Variants in ESRRG observed in about 807,000 individuals in gnomAD.
ESRRG encodes the protein estrogen related receptor gamma.
ESRRG carries 13 observed loss-of-function variants against 44.0 expected under a neutral mutation model. The observed-to-expected ratio is 0.30, with a 90% CI of 0.19 to 0.47. The LOEUF is 0.47. Ranked by LOEUF, ESRRG falls within the 20% of genes least tolerant of loss-of-function variation. ESRRG has a pLI of 1.00. For synonymous variants in ESRRG, 215 were observed against 214.6 expected, an observed-to-expected ratio of 1.00 and a Z score of -0.02; for missense variants, 395 against 580.6, an observed-to-expected ratio of 0.68 and a Z score of 3.29.
chr1:217,102,619 T>G (rs575806424), intron 1 of ESRRG, among the ~76,000 whole-genome samples: 6 of 152,352 alleles, frequency 3.9e-5, no homozygotes, highest in African/African-American at 1.4e-4. Context: ...ACACTCAGAC[T>G]TCTGAATAAC....
chr1:217,082,894 G>T (rs992732694), intron 1 of ESRRG, among the ~76,000 whole-genome samples: 1 of 152,150 alleles, frequency 6.6e-6, no homozygotes, highest in Non-Finnish European at 1.5e-5. Context: ...CATATACTTT[G>T]CAACCAGCCT....
chr1:216,543,506 T>A (rs1439472864), intron 5 of ESRRG, among the ~76,000 whole-genome samples: 2 of 151,982 alleles, frequency 1.3e-5, no homozygotes, highest in Non-Finnish European at 2.9e-5. Flanking sequence ...CCAGCAAGCT[T>A]CTAATTTTGT....
intron 2 of ESRRG, among the ~76,000 whole-genome samples, chr1:216,868,722 C>T (rs979677555): frequency 1.3e-5 from 2 of 152,148 alleles, no homozygotes; most frequent in Admixed American, 1.3e-4. Context: ...ACAGTCTCAT[C>T]AGCACTAGGT....
rs111805075 is a variant in ESRRG at position 216,960,580 on chromosome 1, G to GTGTTTGTTTGTTTGTTTGTT, written c.-105-20927_-105-20908dup. 6.0e-5 allele frequency among the ~76,000 whole-genome samples: 9 copies of GTGTTTGTTTGTTTGTTTGTT among 150,456 alleles called. No individual in the cohort carries two copies. The South Asian group carries it at 1.5e-3, about 25-fold the overall frequency. On this transcript the variant is annotated intron_variant, in intron 1 of 7. Coordinates refer to the ESRRG transcript ENST00000359162. Reference sequence around the variant, plus strand: ...TACTACGCTTTTATGACTCCTCCATGTGTTTGTTTGTTTGTTTGTTTGTGG... The same window carrying GTGTTTGTTTGTTTGTTTGTT: ...TACTACGCTTTTATGACTCCTCCATGTGTTTGTTTGTTTGTTTGTTTGTTTGTTTGTTTGTTTGTTTGTGG...
At chr1:216,830,839 AG>A (rs1030182623) in intron 2 of ESRRG, among the ~76,000 whole-genome samples, 15 of 152,270 alleles carry the variant, frequency 9.9e-5, no homozygotes, top group African/African-American at 3.1e-4. Context: ...GGAAAAAAAA[AG>A]GGATGCTTTT....
At position 216,503,633 on chromosome 1, in the gene ESRRG, AACAGAG is replaced by A. The variant is rs965795514; in HGVS notation, c.*3300_*3305del. ...CATAAAATGTTTTCCTAGGCAGGTAAACAGAGACGCTTAAATAATTAAAATACAATC... is the reference window on the plus strand; with the variant it reads ...CATAAAATGTTTTCCTAGGCAGGTAAACGCTTAAATAATTAAAATACAATC... On this transcript the variant is annotated 3_prime_UTR_variant, in exon 7 of 7. Coordinates refer to ENST00000408911, the MANE Select transcript of ESRRG (RefSeq NM_001438.4). 3 of 152,532 alleles carry A rather than the reference AACAGAG, an allele frequency of 2.0e-5. No homozygotes were observed. Among genetic ancestry groups the A allele is most frequent in the African/African-American group, 7.2e-5 (3 of 41,430 alleles). The allele number at this position is 152,532 out of a possible 1,614,324, so 9.4% of individuals were successfully genotyped here. A position where few individuals can be genotyped will look rare whatever the true frequency, so the allele number is the denominator to read the frequency against.
chr1:216,690,560 C>T (rs948764257), intron 1 of ESRRG, among the ~76,000 whole-genome samples: 3 of 151,966 alleles, frequency 2.0e-5, no homozygotes, highest in Non-Finnish European at 2.9e-5. Context: ...ATTTGTTAAA[C>T]CCCATCTAAC....
chr1:217,033,384 G>A (rs1020963772), intron 1 of ESRRG, among the ~76,000 whole-genome samples: 5 of 152,150 alleles, frequency 3.3e-5, no homozygotes, highest in African/African-American at 1.2e-4. Context: ...TCTGAATATT[G>A]AAGATATTTT....
chr1:216,583,614 T>A (rs992796145), intron 3 of ESRRG, among the ~76,000 whole-genome samples: 1 of 152,148 alleles, frequency 6.6e-6, no homozygotes, highest in Non-Finnish European at 1.5e-5. Context: ...GACTGTGAAA[T>A]TGAACTCAAG....
At chr1:216,967,029 T>C (rs1018542713) in intron 1 of ESRRG, among the ~76,000 whole-genome samples, 1 of 152,124 alleles carries the variant, frequency 6.6e-6, no homozygotes, top group Non-Finnish European at 1.5e-5. Flanking sequence ...AAACAAGAGC[T>C]TACATTTGGC....
At chr1:217,054,789 A>G (rs945093190) in intron 1 of ESRRG, among the ~76,000 whole-genome samples, 1 of 152,204 alleles carries the variant, frequency 6.6e-6, no homozygotes, top group African/African-American at 2.4e-5. Context: ...TGAGAAATCA[A>G]TGTCAAAAGA....
chr1:217,131,556 CTG>C (rs1008055018), intron 1 of ESRRG, among the ~76,000 whole-genome samples: 3 of 152,134 alleles, frequency 2.0e-5, no homozygotes, highest in African/African-American at 7.2e-5. Context: ...TGAAACCAAC[CTG>C]TTGAAGGTGA....
At chr1:216,973,889 C>T (rs2072287314) in intron 1 of ESRRG, among the ~76,000 whole-genome samples, 1 of 151,350 alleles carries the variant, frequency 6.6e-6, no homozygotes, top group African/African-American at 2.4e-5. Context: ...AATCTAGCTA[C>T]TATAACAGCA....
chr1:216,995,880 T>G (rs2076310698), intron 1 of ESRRG, among the ~76,000 whole-genome samples: 1 of 152,222 alleles, frequency 6.6e-6, no homozygotes, highest in South Asian at 2.1e-4. Context: ...GATCCCATTC[T>G]AGTGTTTTCT....
chr1:217,135,643 T>C (rs2093039483), intron 1 of ESRRG, among the ~76,000 whole-genome samples: 1 of 152,168 alleles, frequency 6.6e-6, no homozygotes, highest in South Asian at 2.1e-4. Flanking sequence ...ATTCACCGAC[T>C]GCAGAACTGT....
chr1:217,044,951 G>A (rs1478723218), intron 1 of ESRRG, among the ~76,000 whole-genome samples: 3 of 152,032 alleles, frequency 2.0e-5, no homozygotes, highest in South Asian at 2.1e-4. Flanking sequence ...AACTAATCAC[G>A]GCAGTTTTCC....
chr1:216,580,678 G>A (rs1191101508), intron 3 of ESRRG, among the ~76,000 whole-genome samples: 1 of 152,148 alleles, frequency 6.6e-6, no homozygotes, highest in African/African-American at 2.4e-5. Flanking sequence ...CACATGTTAA[G>A]CTCTCTTCCA....
intron 1 of ESRRG, among the ~76,000 whole-genome samples, chr1:217,051,204 C>CGG (rs1164233806): frequency 0.094 from 3,109 of 33,194 alleles, 291 homozygotes; most frequent in East Asian, 0.25. Flanking sequence ...ATAATGGGGG[C>CGG]GGGGGGGGGG....
At chr1:216,675,378 G>A (rs1227590936) in intron 2 of ESRRG, among the ~76,000 whole-genome samples, 1 of 152,026 alleles carries the variant, frequency 6.6e-6, no homozygotes, top group African/African-American at 2.4e-5. Flanking sequence ...AAAAAAAAAG[G>A]GGGAGAAGGT....
Sources: gnomAD v4.1 joint callset for allele counts (sites outside exome capture counted in the v4.1 genomes callset) on GRCh38, gnomAD v4.1.1 for gene constraint, MANE v1.5 for transcripts, NCBI Gene and HGNC (gene_info 2026-07-23, HGNC 2026-07-21) for gene names.